Variants in CNTNAP2 observed in about 807,000 individuals in gnomAD.
CNTNAP2 encodes contactin associated protein 2.
Under a neutral mutation model 155.2 loss-of-function variants are expected in CNTNAP2, and 98 were observed. The ratio of observed to expected loss-of-function variants is 0.63; its 90% CI spans 0.54 to 0.75. The LOEUF (loss-of-function observed/expected upper bound fraction) is 0.75, where lower values mean the gene tolerates loss of function less well. Among genes scored for constraint, CNTNAP2 ranks in the 30% least tolerant of loss-of-function variants. The pLI is 0.00. For missense variants in CNTNAP2, 1,727 were observed against 1,688.1 expected (o/e 1.02, Z -0.40); for synonymous variants, 651 against 631.2 (o/e 1.03, Z -0.47).
At chr7:147,351,294 TA>T (rs1158590775) in intron 9 of CNTNAP2, among the ~76,000 whole-genome samples, 1 of 151,800 alleles carries the variant, frequency 6.6e-6, no homozygotes, top group Non-Finnish European at 1.5e-5. Flanking sequence ...TAAATTTGTA[TA>T]TATTATACTA....
chr7:146,634,743 G>C (rs1585016981), intron 1 of CNTNAP2, among the ~76,000 whole-genome samples: 1 of 152,252 alleles, frequency 6.6e-6, no homozygotes, highest in East Asian at 1.9e-4. Flanking sequence ...TCTAATCTCT[G>C]GGTTTTGTTA....
intron 18 of CNTNAP2, among the ~76,000 whole-genome samples, chr7:148,217,039 T>C (rs1795651055): frequency 6.6e-6 from 1 of 151,856 alleles, no homozygotes; most frequent in Admixed American, 6.6e-5. Context: ...TCTTTATAAA[T>C]CACCCAGTCT....
intron 3 of CNTNAP2, among the ~76,000 whole-genome samples, chr7:146,851,522 C>G (rs1055591953): frequency 2.6e-5 from 4 of 151,974 alleles, no homozygotes; most frequent in African/African-American, 9.7e-5. Context: ...GGCCAGAAGT[C>G]CAATATTGAG....
chr7:147,842,478 G>C (rs1798760959), intron 13 of CNTNAP2, among the ~76,000 whole-genome samples: 1 of 150,938 alleles, frequency 6.6e-6, no homozygotes, highest in Non-Finnish European at 1.5e-5. Context: ...ATGCAGCTCT[G>C]AGAACAAGGG....
In CNTNAP2 at chr7:148,331,755, CGGATGGATTGGAT is replaced by C. The variant is rs1285038540; in HGVS notation, c.3476-51886_3476-51874del. On this transcript the variant is annotated intron_variant, in intron 21 of 23. Coordinates refer to ENST00000361727, the MANE Select transcript of CNTNAP2 (RefSeq NM_014141.6). ...GGATGGAGTGGATGGATGGAACGGA[CGGATGGATTGGAT>C]GGATGGAATGGACAGATGGAGTGGA... 7.6e-4 allele frequency among the ~76,000 whole-genome samples: 51 copies of C among 67,222 alleles called. 5 individuals are homozygous for C. The highest frequency in any genetic ancestry group is 1.5e-3 in the East Asian group (4 of 2,686). The allele number at this position is 67,222 out of a possible 152,430, so 44.1% of individuals were successfully genotyped here.
At chr7:147,561,023 C>T (rs903543100) in intron 11 of CNTNAP2, among the ~76,000 whole-genome samples, 1 of 151,696 alleles carries the variant, frequency 6.6e-6, no homozygotes, top group East Asian at 1.9e-4. Context: ...CCTAATTATT[C>T]CTGTTAGAGT....
chr7:147,171,470 C>T (rs988198891), intron 8 of CNTNAP2, among the ~76,000 whole-genome samples: 10 of 152,182 alleles, frequency 6.6e-5, no homozygotes, highest in Non-Finnish European at 1.3e-4. Flanking sequence ...TGACACCATT[C>T]AGTGTCAGCT....
intron 1 of CNTNAP2, among the ~76,000 whole-genome samples, chr7:146,500,419 G>A (rs1797284452): frequency 6.6e-6 from 1 of 152,138 alleles, no homozygotes; most frequent in African/African-American, 2.4e-5. Flanking sequence ...AACTATATAT[G>A]AGAAAACAGA....
intron 1 of CNTNAP2, among the ~76,000 whole-genome samples, chr7:146,274,071 G>A (rs1800126988): frequency 6.6e-6 from 1 of 152,084 alleles, no homozygotes; most frequent in African/African-American, 2.4e-5. Flanking sequence ...TATGCAAAGT[G>A]CTTGGCTGCA....
intron 3 of CNTNAP2, 84 bp from the exon 4 acceptor site, chr7:147,043,823 A>G (rs1052026378): frequency 1.3e-5 from 20 of 1,503,896 alleles, no homozygotes; most frequent in African/African-American, 1.4e-5. Context: ...ATTGGATGAC[A>G]TTTGTGTTTA....
chr7:147,698,895 A>C (rs1796196738), intron 13 of CNTNAP2, among the ~76,000 whole-genome samples: 1 of 151,902 alleles, frequency 6.6e-6, no homozygotes, highest in East Asian at 1.9e-4. Flanking sequence ...AATTAGAAAA[A>C]GTAAATAAAT....
intron 3 of CNTNAP2, among the ~76,000 whole-genome samples, chr7:146,895,841 C>A (rs2129212449): frequency 6.6e-6 from 1 of 152,154 alleles, no homozygotes; most frequent in African/African-American, 2.4e-5. Context: ...GAGCTTCAGT[C>A]CCCGACGGCA....
chr7:147,499,919 G>T (rs1798780128), intron 11 of CNTNAP2, among the ~76,000 whole-genome samples: 1 of 152,156 alleles, frequency 6.6e-6, no homozygotes, highest in African/African-American at 2.4e-5. Flanking sequence ...TATATGCATT[G>T]CAAGTGACCC....
chr7:146,924,309 C>T (rs1796563097), intron 3 of CNTNAP2, among the ~76,000 whole-genome samples: 1 of 151,990 alleles, frequency 6.6e-6, no homozygotes, highest in Non-Finnish European at 1.5e-5. Context: ...AATTCTGCAC[C>T]ACAGATCAGT....
In CNTNAP2 at chr7:147,687,488, G is replaced by A. The variant is rs138825274; in HGVS notation, c.2098+48182G>A. ...CTTAAGAAGGAAATGTTAGGCAATA[G>A]TAATCAAGGAAAAGAAGGAGAGTGA... On this transcript the variant is annotated intron_variant, in intron 13 of 23. Coordinates refer to ENST00000361727, the MANE Select transcript of CNTNAP2 (RefSeq NM_014141.6). Among the ~76,000 whole-genome samples the A allele has an allele frequency of 2.2e-4, 34 of 152,190 alleles. No individual in the cohort carries two copies. In the East Asian group the frequency reaches 6.2e-3, roughly 28 times the overall value.
At chr7:146,535,188 A>ATATTATATCATATATCATATATATGC in intron 1 of CNTNAP2, among the ~76,000 whole-genome samples, 1 of 36,102 alleles carries the variant, frequency 2.8e-5, no homozygotes, top group South Asian at 8.6e-4. Flanking sequence ...CATATATATG[A>ATATTATATCATATATCATATATATGC]TATTATATCA....
At chr7:147,003,340 C>T (rs1188258235) in intron 3 of CNTNAP2, among the ~76,000 whole-genome samples, 1 of 151,632 alleles carries the variant, frequency 6.6e-6, no homozygotes, top group Admixed American at 6.6e-5. Context: ...AACCAACCCC[C>T]CCCAAAAAAG....
At chr7:147,021,451 AT>A (rs778538965) in intron 3 of CNTNAP2, among the ~76,000 whole-genome samples, 19 of 152,122 alleles carry the variant, frequency 1.2e-4, no homozygotes, top group Non-Finnish European at 2.2e-4. Context: ...TGTATGATAT[AT>A]TTCTCAGACT....
intron 11 of CNTNAP2, among the ~76,000 whole-genome samples, chr7:147,544,948 T>G (rs975032388): frequency 1.3e-5 from 2 of 152,130 alleles, no homozygotes; most frequent in African/African-American, 4.8e-5. Context: ...CCATTAAACC[T>G]CTTTCCTTTA....
Sources: allele counts gnomAD v4.1 joint callset (sites outside exome capture counted in the v4.1 genomes callset), GRCh38; gene constraint gnomAD v4.1.1; transcripts MANE v1.5; gene names NCBI Gene and HGNC (gene_info 2026-07-23, HGNC 2026-07-21).